GTF2B: variants seen among roughly 807,000 people sequenced by gnomAD.
The protein encoded by GTF2B is general transcription factor IIB, also known as transcription initiation factor IIB.
Under a neutral mutation model 34.6 loss-of-function variants are expected in GTF2B, and 20 were observed. That is an observed-to-expected ratio of 0.58 (90% CI 0.41 to 0.84). GTF2B has a LOEUF of 0.84. GTF2B is among the 40% of genes least tolerant of loss of function. The pLI, the probability that GTF2B is intolerant of heterozygous loss-of-function variation, is 0.00. For missense variants in GTF2B, 237 were observed against 393.3 expected (o/e 0.60, Z 3.36); for synonymous variants, 142 against 132.4 (o/e 1.07, Z -0.50).
intron 2 of GTF2B, among the ~76,000 whole-genome samples, chr1:88,884,812 G>C (rs888867907): frequency 2.6e-5 from 4 of 152,184 alleles, no homozygotes; most frequent in Non-Finnish European, 5.9e-5. Flanking sequence ...TAAACACAAT[G>C]TTTTGCCATC....
intron 2 of GTF2B, among the ~76,000 whole-genome samples, chr1:88,872,820 G>C (rs1360810691): frequency 1.3e-5 from 2 of 152,004 alleles, no homozygotes; most frequent in African/African-American, 2.4e-5. Flanking sequence ...TTGTCTCCTT[G>C]TGCTGTGTTA....
intron 2 of GTF2B, among the ~76,000 whole-genome samples, chr1:88,869,382 A>C (rs915221835): frequency 1.3e-5 from 2 of 152,216 alleles, no homozygotes; most frequent in African/African-American, 4.8e-5. Flanking sequence ...CCATCAACAG[A>C]AAAATGTGTA....
chr1:88,879,254 T>C (rs1342251510), intron 2 of GTF2B, among the ~76,000 whole-genome samples: 2 of 152,074 alleles, frequency 1.3e-5, no homozygotes, highest in Non-Finnish European at 2.9e-5. Flanking sequence ...AAGATAAATA[T>C]ACTTTTGGTA....
chr1:88,869,112 C>A (rs993463634), intron 2 of GTF2B, among the ~76,000 whole-genome samples: 1 of 150,750 alleles, frequency 6.6e-6, no homozygotes, highest in African/African-American at 2.5e-5. Flanking sequence ...TACGCCTGTA[C>A]TGAACATGTA....
Position 88,859,106 on chromosome 1 carries a change from C to T in GTF2B, c.535+776G>A, listed in dbSNP as rs539072136. On this transcript the variant is annotated intron_variant, in intron 5 of 6. Transcript: ENST00000370500. ...TGGTCTTGAACTCCTGGCCTCATGA[C>T]CCAACCACCTCGGCCTCCCAAAGTT... Among the ~76,000 whole-genome samples, 8 of 152,062 alleles carry T rather than the reference C, an allele frequency of 5.3e-5. No homozygotes were observed. In the East Asian group the frequency reaches 1.6e-3, roughly 29 times the overall value.
At chr1:88,878,655 C>T (rs897399406) in intron 2 of GTF2B, among the ~76,000 whole-genome samples, 7 of 152,204 alleles carry the variant, frequency 4.6e-5, no homozygotes, top group African/African-American at 1.4e-4. Flanking sequence ...TTTCCCCATT[C>T]CCTTCAACTC....
intron 1 of GTF2B, among the ~76,000 whole-genome samples, chr1:88,889,595 C>A (rs1033564430): frequency 5.3e-5 from 8 of 152,250 alleles, no homozygotes; most frequent in Non-Finnish European, 1.0e-4. Context: ...TGCCTGAAGT[C>A]ATGGAACTAA....
chr1:88,881,601 G>C (rs1432779526), intron 2 of GTF2B, among the ~76,000 whole-genome samples: 1 of 152,004 alleles, frequency 6.6e-6, no homozygotes, highest in Non-Finnish European at 1.5e-5. Flanking sequence ...GTAATGGAAT[G>C]GATTCTTCGC....
intron 2 of GTF2B, among the ~76,000 whole-genome samples, chr1:88,866,288 A>C (rs1042888138): frequency 6.6e-6 from 1 of 152,190 alleles, no homozygotes; most frequent in Non-Finnish European, 1.5e-5. Flanking sequence ...CAGGAGGTTG[A>C]GGCTGCAGGG....
intron 2 of GTF2B, among the ~76,000 whole-genome samples, chr1:88,887,038 C>T (rs988958980): frequency 5.9e-5 from 9 of 152,074 alleles, no homozygotes; most frequent in Admixed American, 5.9e-4. Flanking sequence ...CCTACCTCAG[C>T]CTCCTGGGCA....
chr1:88,886,135 A>G (rs990567176), intron 2 of GTF2B, among the ~76,000 whole-genome samples: 2 of 152,220 alleles, frequency 1.3e-5, no homozygotes, highest in Non-Finnish European at 2.9e-5. Flanking sequence ...TTCCTTACTC[A>G]GCAGAATACG....
chr1:88,854,077 A>C (rs1033144384), intron 6 of GTF2B, among the ~76,000 whole-genome samples: 6 of 152,150 alleles, frequency 3.9e-5, no homozygotes, highest in African/African-American at 1.2e-4. Flanking sequence ...TTTCTTTATA[A>C]ATCTTTCTGA....
chr1:88,891,134 C>CGGGGGGGGGGGGGGGGGGG (rs1486298401), intron 1 of GTF2B, among the ~76,000 whole-genome samples: 1 of 1,592 alleles, frequency 6.3e-4, no homozygotes. Flanking sequence ...GGGGGGGGCG[C>CGGGGGGGGGGGGGGGGGGG]GGGGGAGGAG....
At chr1:88,880,294 ATGTTGTCCCTTAGTGGGT>A in intron 2 of GTF2B, among the ~76,000 whole-genome samples, 1 of 152,280 alleles carries the variant, frequency 6.6e-6, no homozygotes, top group African/African-American at 2.4e-5. Context: ...AAAGTCACAA[ATGTTGTCCCTTAGTGGGT>A]TGTAGAATAT....
At chr1:88,860,388 C>T in intron 3 of GTF2B, 102 bp from the exon 4 acceptor site, 1 of 784,896 alleles carries the variant, frequency 1.3e-6, no homozygotes, top group East Asian at 2.5e-5. Context: ...CTACATAGAC[C>T]AGAAATCTGA....
chr1:88,879,023 T>C (rs1339007539), intron 2 of GTF2B, among the ~76,000 whole-genome samples: 1 of 152,092 alleles, frequency 6.6e-6, no homozygotes, highest in African/African-American at 2.4e-5. Flanking sequence ...GATAAAATGG[T>C]TGTTGTAAGC....
intron 2 of GTF2B, among the ~76,000 whole-genome samples, chr1:88,875,677 A>G (rs552515173): frequency 1.7e-4 from 26 of 152,320 alleles, no homozygotes; most frequent in African/African-American, 6.3e-4. Context: ...CAACAGTACT[A>G]TCTTCAGGAT....
intron 2 of GTF2B, among the ~76,000 whole-genome samples, chr1:88,871,708 C>T (rs1166953694): frequency 1.3e-5 from 2 of 152,140 alleles, no homozygotes; most frequent in East Asian, 1.9e-4. Context: ...TGTATAAAGT[C>T]GTATAAAAGA....
At chr1:88,857,553 T>C in intron 5 of GTF2B, 66 bp from the exon 6 acceptor site, 3 of 781,750 alleles carry the variant, frequency 3.8e-6, no homozygotes, top group South Asian at 1.8e-5. Flanking sequence ...AAATCTACCA[T>C]TTCTAATTAT....
Sources: allele counts gnomAD v4.1 joint callset (sites outside exome capture counted in the v4.1 genomes callset), GRCh38; gene constraint gnomAD v4.1.1; transcripts MANE v1.5; gene names NCBI Gene and HGNC (gene_info 2026-07-23, HGNC 2026-07-21).